Variants in SPMAP2 observed in about 807,000 individuals in gnomAD.
SPMAP2 encodes the protein sperm microtubule associated protein 2.
the SPMAP2 span, among the ~76,000 whole-genome samples, chr19:364,208 CT>C: frequency 1.0e-4 from 15 of 147,850 alleles, no homozygotes; most frequent in East Asian, 6.0e-4. Context: ...GTGGTGGCGG[CT>C]GCCTGTAGTC....
the SPMAP2 span, chr19:371,346 C>A: frequency 7.2e-7 from 1 of 1,385,374 alleles, no homozygotes; most frequent in Non-Finnish European, 9.6e-7. Context: ...CCATTTTAGA[C>A]CAGCAGCTCG....
At chr19:364,144 T>G in the SPMAP2 span, among the ~76,000 whole-genome samples, 93 of 149,810 alleles carry the variant, frequency 6.2e-4, no homozygotes, top group African/African-American at 2.0e-3. Flanking sequence ...CCATCCTGGC[T>G]CACACGGTGA....
At chr19:371,272 G>A in the SPMAP2 span, 6 of 1,520,772 alleles carry the variant, frequency 3.9e-6, no homozygotes, top group Non-Finnish European at 3.5e-6. Context: ...CAGGCGACTC[G>A]ACGCTCTGTA....
At chr19:373,458 G>A in the SPMAP2 span, 4 of 1,612,848 alleles carry the variant, frequency 2.5e-6, no homozygotes, top group Non-Finnish European at 3.4e-6. Flanking sequence ...AGCAGGCACG[G>A]GCTCCACCTA....
At chr19:366,415 T>G in the SPMAP2 span, among the ~76,000 whole-genome samples, 2 of 152,116 alleles carry the variant, frequency 1.3e-5, no homozygotes, top group South Asian at 2.1e-4. Context: ...CGAGCACAAG[T>G]GTGTGCAGGA....
chr19:362,958 G>A, the SPMAP2 span, among the ~76,000 whole-genome samples: 4 of 152,038 alleles, frequency 2.6e-5, no homozygotes, highest in African/African-American at 7.3e-5. Flanking sequence ...CCAGAGACAC[G>A]AAAGGACACA....
the SPMAP2 span, chr19:372,850 A>G: frequency 2.8e-6 from 2 of 718,910 alleles, no homozygotes; most frequent in Non-Finnish European, 4.9e-6. Context: ...GGGGCCAGAC[A>G]CCCTGCAGAG....
the SPMAP2 span, chr19:374,533 C>T: frequency 2.0e-5 from 29 of 1,422,836 alleles, no homozygotes; most frequent in Non-Finnish European, 2.5e-5. Flanking sequence ...CTCACCCTGC[C>T]CACCCGCCTC....
At chr19:370,064 C>T in the SPMAP2 span, among the ~76,000 whole-genome samples, 1 of 152,116 alleles carries the variant, frequency 6.6e-6, no homozygotes, top group Admixed American at 6.5e-5. Flanking sequence ...CGCACCTGGG[C>T]TCCCACTCCC....
the SPMAP2 span, among the ~76,000 whole-genome samples, chr19:365,303 G>A: frequency 6.6e-6 from 1 of 152,242 alleles, no homozygotes; most frequent in African/African-American, 2.4e-5. Context: ...CAGGGTAAGG[G>A]GGCCAAGCAG....
At chr19:374,623 G>A in the SPMAP2 span, 1 of 639,762 alleles carries the variant, frequency 1.6e-6, no homozygotes, top group South Asian at 2.0e-5. Flanking sequence ...CTGCTCGCTG[G>A]ATGGAAGACC....
the SPMAP2 span, among the ~76,000 whole-genome samples, chr19:368,159 T>C: frequency 2.0e-5 from 3 of 149,536 alleles, no homozygotes; most frequent in Non-Finnish European, 4.5e-5. The surrounding 1 kb of genome is among the most constrained non-coding windows in gnomAD (Gnocchi z 4.1). Flanking sequence ...CTGGGCAACA[T>C]AGCAAGACCC....
chr19:362,383 A>T, the SPMAP2 span: 6 of 1,608,572 alleles, frequency 3.7e-6, no homozygotes, highest in Non-Finnish European at 5.1e-6. Flanking sequence ...CCTCCCAGCG[A>T]GGATCTCGGT....
the SPMAP2 span, among the ~76,000 whole-genome samples, chr19:367,984 A>G: frequency 6.6e-6 from 1 of 152,200 alleles, no homozygotes; most frequent in African/African-American, 2.4e-5. Context: ...ACAGGATATG[A>G]AAACGATGGC....
the SPMAP2 span, among the ~76,000 whole-genome samples, chr19:366,494 C>T: frequency 6.6e-6 from 1 of 152,112 alleles, no homozygotes; most frequent in East Asian, 1.9e-4. Context: ...TCACAAATAT[C>T]AAGGGAATGG....
At chr19:368,119 G>A in the SPMAP2 span, among the ~76,000 whole-genome samples, 4 of 152,200 alleles carry the variant, frequency 2.6e-5, no homozygotes, top group East Asian at 1.9e-4. This position sits in a 1 kb window ranked among gnomAD's most constrained non-coding sequence, Gnocchi z 4.1. Flanking sequence ...GGGGGTCGAG[G>A]TGGCAGGATC....
the SPMAP2 span, among the ~76,000 whole-genome samples, chr19:375,198 G>A: frequency 9.2e-5 from 14 of 152,164 alleles, no homozygotes; most frequent in South Asian, 2.1e-4. Context: ...CTGATTGGCC[G>A]AAGCGTCAGT....
chr19:373,908 T>G, the SPMAP2 span: 2 of 1,599,452 alleles, frequency 1.3e-6, no homozygotes, highest in Non-Finnish European at 1.7e-6. Context: ...TCCCCCAGCA[T>G]AGGCACACGG....
chr19:375,316 TTC>T, the SPMAP2 span, among the ~76,000 whole-genome samples: 14 of 152,262 alleles, frequency 9.2e-5, no homozygotes, highest in Admixed American at 2.6e-4. Context: ...CCATTTCTTA[TTC>T]TCTCTGTCTG....
Sources: allele counts gnomAD v4.1 joint callset (sites outside exome capture counted in the v4.1 genomes callset), GRCh38; gene constraint gnomAD v4.1.1; non-coding constraint Gnocchi (gnomAD v3.1); transcripts MANE v1.5; gene names NCBI Gene and HGNC (gene_info 2026-07-23, HGNC 2026-07-21).